PCDH7: variants seen among roughly 807,000 people sequenced by gnomAD.
The protein encoded by PCDH7 is protocadherin 7, also known as protocadherin-7.
A neutral mutation model predicts 58.9 loss-of-function variants in PCDH7; 17 were observed. That is an observed-to-expected ratio of 0.29 (90% CI 0.20 to 0.43). The LOEUF is 0.43. Among genes scored for constraint, PCDH7 ranks in the 20% least tolerant of loss-of-function variants. PCDH7 has a pLI of 1.00. For synonymous variants in PCDH7, 664 were observed against 616.4 expected (o/e 1.08, Z -1.14); for missense variants, 1,274 against 1,441.0 (o/e 0.88, Z 1.88).
rs138674335 is a variant in PCDH7 at position 31,013,592 on chromosome 4, T to TACACACACACAC, written c.*7+63393_*7+63404dup. 7.1e-4 allele frequency among the ~76,000 whole-genome samples: 104 copies of TACACACACACAC among 146,436 alleles called. 3 individuals are homozygous for TACACACACACAC. The East Asian group carries it at 0.016, about 22-fold the overall frequency. On this transcript the variant is annotated intron_variant, in intron 3 of 3. Coordinates refer to the PCDH7 transcript ENST00000509759. Reference sequence around the variant, plus strand: ...AGAGTATGTCCATATATATATTTTATACACACACACACACACACACACACA... The same window carrying TACACACACACAC: ...AGAGTATGTCCATATATATATTTTATACACACACACACACACACACACACACACACACACACA...
chr4:30,812,364 C>A (rs1350377672), intron 1 of PCDH7, among the ~76,000 whole-genome samples: 1 of 152,136 alleles, frequency 6.6e-6, no homozygotes, highest in African/African-American at 2.4e-5. Context: ...GGAAATATAT[C>A]ATTTCAAATT....
chr4:31,016,927 G>T (rs201569214), intron 3 of PCDH7, among the ~76,000 whole-genome samples: 8 of 149,068 alleles, frequency 5.4e-5, no homozygotes, highest in African/African-American at 2.0e-4. Context: ...GTGTGTACTG[G>T]GTGTGTGTGC....
At chr4:30,761,565 T>A (rs1720022891) in intron 1 of PCDH7, among the ~76,000 whole-genome samples, 1 of 152,194 alleles carries the variant, frequency 6.6e-6, no homozygotes, top group Non-Finnish European at 1.5e-5. Flanking sequence ...ATATATTTTA[T>A]AATTACAGCA....
chr4:31,084,219 T>C (rs1390920478), intron 3 of PCDH7, among the ~76,000 whole-genome samples: 1 of 152,156 alleles, frequency 6.6e-6, no homozygotes, highest in Non-Finnish European at 1.5e-5. Context: ...TATAAAATAC[T>C]AACTGAAAAG....
At chr4:31,125,134 A>C (rs1296997646) in intron 3 of PCDH7, among the ~76,000 whole-genome samples, 1 of 152,184 alleles carries the variant, frequency 6.6e-6, no homozygotes, top group African/African-American at 2.4e-5. Flanking sequence ...TTACCAACAC[A>C]GTAATTTTGT....
At chr4:30,812,948 C>T (rs946653719) in intron 1 of PCDH7, among the ~76,000 whole-genome samples, 1 of 152,118 alleles carries the variant, frequency 6.6e-6, no homozygotes, top group African/African-American at 2.4e-5. Flanking sequence ...TAATTCTAAG[C>T]ATTATGAAGA....
chr4:30,898,827 G>A (rs1259783641), intron 1 of PCDH7, among the ~76,000 whole-genome samples: 3 of 152,086 alleles, frequency 2.0e-5, no homozygotes, highest in Admixed American at 1.3e-4. Context: ...TCCTAACCTC[G>A]TGATCCGCCC....
intron 3 of PCDH7, among the ~76,000 whole-genome samples, chr4:31,112,543 G>A (rs938946956): frequency 2.0e-5 from 3 of 152,140 alleles, no homozygotes; most frequent in African/African-American, 4.8e-5. Context: ...AATACTGTAT[G>A]TTCAGTTGGC....
intron 3 of PCDH7, among the ~76,000 whole-genome samples, chr4:31,061,596 A>G (rs577742444): frequency 9.9e-4 from 150 of 151,816 alleles, no homozygotes; most frequent in African/African-American, 3.4e-3. Flanking sequence ...CTTTTGCAGT[A>G]ACAAAGCAAA....
intron 3 of PCDH7, among the ~76,000 whole-genome samples, chr4:31,019,133 A>G (rs1753828833): frequency 1.3e-5 from 2 of 152,158 alleles, no homozygotes; most frequent in African/African-American, 4.8e-5. Context: ...AAATGTATTT[A>G]CCTAAATGTC....
At chr4:30,898,743 A>C (rs1739790860) in intron 1 of PCDH7, among the ~76,000 whole-genome samples, 1 of 152,246 alleles carries the variant, frequency 6.6e-6, no homozygotes, top group African/African-American at 2.4e-5. Context: ...GGCGCCCGCC[A>C]CCACGCCCGG....
intron 1 of PCDH7, among the ~76,000 whole-genome samples, chr4:30,752,255 C>T (rs948937612): frequency 1.1e-4 from 17 of 152,112 alleles, no homozygotes; most frequent in African/African-American, 3.6e-4. Context: ...GCCTCAGCCT[C>T]CGGAGTAGCT....
intron 3 of PCDH7, among the ~76,000 whole-genome samples, chr4:31,129,046 G>A (rs990626173): frequency 2.0e-5 from 3 of 152,118 alleles, no homozygotes; most frequent in Admixed American, 6.6e-5. Flanking sequence ...ATAATCATCA[G>A]GGATGACAGG....
At chr4:30,898,553 A>G (rs1170444254) in intron 1 of PCDH7, among the ~76,000 whole-genome samples, 2 of 152,184 alleles carry the variant, frequency 1.3e-5, no homozygotes, top group African/African-American at 4.8e-5. Context: ...TTCCTCCCCT[A>G]GAATTACTAA....
At chr4:31,116,858 G>A (rs989402704) in intron 3 of PCDH7, among the ~76,000 whole-genome samples, 3 of 151,768 alleles carry the variant, frequency 2.0e-5, no homozygotes, top group Non-Finnish European at 2.9e-5. Flanking sequence ...TTTTTGAGAC[G>A]GAGTTTCGCT....
intron 3 of PCDH7, among the ~76,000 whole-genome samples, chr4:31,114,098 T>C (rs1245395043): frequency 6.6e-6 from 1 of 152,164 alleles, no homozygotes; most frequent in Admixed American, 6.5e-5. Flanking sequence ...CCTCTCAAAT[T>C]GCTGGAATTA....
chr4:31,127,511 C>G (rs1718445427), intron 3 of PCDH7, among the ~76,000 whole-genome samples: 1 of 151,926 alleles, frequency 6.6e-6, no homozygotes, highest in Admixed American at 6.6e-5. Flanking sequence ...GGGTCTGTTG[C>G]CATTTTGTTG....
intron 3 of PCDH7, among the ~76,000 whole-genome samples, chr4:31,090,713 G>T (rs186223666): frequency 6.6e-6 from 1 of 152,014 alleles, no homozygotes; most frequent in East Asian, 1.9e-4. Flanking sequence ...CATATATTTT[G>T]ATCATTGTTT....
At chr4:30,733,137 A>G (rs1358812187), downstream of PCDH7, among the ~76,000 whole-genome samples, 1 of 152,170 alleles carries the variant, frequency 6.6e-6, no homozygotes, top group Non-Finnish European at 1.5e-5. Context: ...CTTACCATTT[A>G]TGGAGGTGCC....
Sources: gnomAD v4.1 joint callset for allele counts (sites outside exome capture counted in the v4.1 genomes callset) on GRCh38, gnomAD v4.1.1 for gene constraint, MANE v1.5 for transcripts, NCBI Gene and HGNC (gene_info 2026-07-23, HGNC 2026-07-21) for gene names.